RUNDC3B: variants seen among roughly 807,000 people sequenced by gnomAD.
The protein encoded by RUNDC3B is RUN domain-containing protein 3B.
In RUNDC3B, 33 loss-of-function variants were observed where a neutral mutation model predicts 58.4. That is an observed-to-expected ratio of 0.56 (90% CI 0.43 to 0.75). RUNDC3B has a LOEUF of 0.75. RUNDC3B is among the 30% of genes least tolerant of loss of function. RUNDC3B has a pLI of 0.00. For synonymous variants in RUNDC3B, 193 were observed against 195.2 expected (o/e 0.99, Z 0.10); for missense variants, 501 against 535.7 (o/e 0.94, Z 0.64).
intron 10 of RUNDC3B, among the ~76,000 whole-genome samples, chr7:87,822,727 T>C (rs1460858531): frequency 6.6e-6 from 1 of 152,210 alleles, no homozygotes; most frequent in East Asian, 1.9e-4. Flanking sequence ...TGAGAGTTCA[T>C]GTCCTTTATA....
intron 10 of RUNDC3B, among the ~76,000 whole-genome samples, chr7:87,824,309 A>C (rs943723869): frequency 1.3e-5 from 2 of 152,184 alleles, no homozygotes; most frequent in Admixed American, 6.5e-5. Flanking sequence ...GGTTGTTCTC[A>C]TGATAGTGAA....
intron 8 of RUNDC3B, among the ~76,000 whole-genome samples, chr7:87,798,868 C>T (rs1835964834): frequency 6.6e-6 from 1 of 152,138 alleles, no homozygotes; most frequent in Non-Finnish European, 1.5e-5. Flanking sequence ...AATTTTTGGA[C>T]ATCTGTCTCC....
intron 8 of RUNDC3B, among the ~76,000 whole-genome samples, chr7:87,801,548 A>G (rs369648119): frequency 1.3e-5 from 2 of 152,196 alleles, no homozygotes; most frequent in East Asian, 3.9e-4. Context: ...ACTTGAGACC[A>G]GAAGTTTGAG....
intron 6 of RUNDC3B, among the ~76,000 whole-genome samples, chr7:87,766,002 A>G (rs1039696490): frequency 1.3e-5 from 2 of 152,156 alleles, no homozygotes; most frequent in Non-Finnish European, 2.9e-5. Context: ...TATTTAGAAC[A>G]GTTAAATCTT....
At chr7:87,788,522 A>G (rs1401905879) in intron 8 of RUNDC3B, among the ~76,000 whole-genome samples, 1 of 152,098 alleles carries the variant, frequency 6.6e-6, no homozygotes, top group Admixed American at 6.6e-5. Flanking sequence ...GGTTTTATGG[A>G]AATCTGTGTA....
At chr7:87,708,384 T>A (rs957393872) in intron 3 of RUNDC3B, among the ~76,000 whole-genome samples, 1 of 152,060 alleles carries the variant, frequency 6.6e-6, no homozygotes, top group Non-Finnish European at 1.5e-5. Flanking sequence ...TTATATAAAT[T>A]TGAAAATTTA....
At chr7:87,715,382 CAATAT>C (rs1386294992) in intron 4 of RUNDC3B, among the ~76,000 whole-genome samples, 8,136 of 100,014 alleles carry the variant, frequency 0.081, 413 homozygotes, top group African/African-American at 0.11. Flanking sequence ...ATTATATAAT[CAATAT>C]AATATAATAT....
chr7:87,711,285 C>T (rs1583961796), intron 4 of RUNDC3B, among the ~76,000 whole-genome samples: 1 of 147,944 alleles, frequency 6.8e-6, no homozygotes. Context: ...GAGATTGAGC[C>T]ATTGCACCGC....
chr7:87,815,327 A>G (rs1020422105), intron 9 of RUNDC3B, among the ~76,000 whole-genome samples: 2 of 152,130 alleles, frequency 1.3e-5, no homozygotes, highest in Non-Finnish European at 2.9e-5. Context: ...TAGGAAATAG[A>G]TATTGAGGCT....
chr7:87,633,059 A>G (rs1437211931), intron 1 of RUNDC3B, among the ~76,000 whole-genome samples: 1 of 152,218 alleles, frequency 6.6e-6, no homozygotes, highest in Non-Finnish European at 1.5e-5. Context: ...TCTATAGGTC[A>G]TGATATTATT....
chr7:87,670,391 C>T (rs1825701668), intron 2 of RUNDC3B, among the ~76,000 whole-genome samples: 1 of 152,178 alleles, frequency 6.6e-6, no homozygotes, highest in Non-Finnish European at 1.5e-5. Flanking sequence ...TTGTGATTCT[C>T]ATTTTCCTTG....
intron 8 of RUNDC3B, among the ~76,000 whole-genome samples, chr7:87,790,657 T>G (rs1308205938): frequency 6.6e-6 from 1 of 150,932 alleles, no homozygotes; most frequent in African/African-American, 2.4e-5. Context: ...TTAAAAAGAG[T>G]CAAACAGAAA....
intron 7 of RUNDC3B, among the ~76,000 whole-genome samples, chr7:87,773,892 G>C (rs1834463566): frequency 6.6e-6 from 1 of 152,024 alleles, no homozygotes; most frequent in Non-Finnish European, 1.5e-5. Flanking sequence ...TGGCTAGGCT[G>C]GTCTCTAACT....
chr7:87,720,241 CTTA>C (rs1437994317), intron 4 of RUNDC3B, among the ~76,000 whole-genome samples: 2 of 151,960 alleles, frequency 1.3e-5, no homozygotes, highest in African/African-American at 4.8e-5. Flanking sequence ...TTTAACTTTT[CTTA>C]TTATAAGGGA....
At chr7:87,776,637 A>AT in intron 7 of RUNDC3B, among the ~76,000 whole-genome samples, 1 of 152,074 alleles carries the variant, frequency 6.6e-6, no homozygotes, top group Admixed American at 6.6e-5. Flanking sequence ...AGTATTCTTT[A>AT]ATTACTAATG....
chr7:87,741,476 A>G lies in RUNDC3B; in HGVS notation c.549-23A>G, dbSNP rs763532248. On this transcript the variant is annotated intron_variant, in intron 5 of 10. Coordinates refer to ENST00000394654, the MANE Select transcript of RUNDC3B (RefSeq NM_001134405.2). Reference sequence around the variant, plus strand: ...TTAAAATTTTATATATTAATAGGAAATATTTATTTTCTATTGTCTTAGTTT... The same window carrying G: ...TTAAAATTTTATATATTAATAGGAAGTATTTATTTTCTATTGTCTTAGTTT... 8.5e-5 allele frequency: 109 copies of G among 1,278,364 alleles called. No individual in the cohort carries two copies. The Admixed American group carries it at 1.8e-3, about 21-fold the overall frequency. The allele number at this position is 1,278,364 out of a possible 1,614,324, so 79.2% of individuals were successfully genotyped here.
chr7:87,809,808 CAATCACAG>C (rs1309637793), intron 9 of RUNDC3B, among the ~76,000 whole-genome samples: 1 of 152,114 alleles, frequency 6.6e-6, no homozygotes, highest in Non-Finnish European at 1.5e-5. Context: ...CGTTTGAAAC[CAATCACAG>C]CTTTTCATCA....
chr7:87,645,021 GA>G (rs1387954461), intron 1 of RUNDC3B, among the ~76,000 whole-genome samples: 1 of 151,064 alleles, frequency 6.6e-6, no homozygotes, highest in Non-Finnish European at 1.5e-5. Context: ...ATGACAAAGG[GA>G]AAAAGGTAGT....
chr7:87,660,550 T>C (rs1283972282), intron 2 of RUNDC3B, among the ~76,000 whole-genome samples: 1 of 152,044 alleles, frequency 6.6e-6, no homozygotes, highest in Non-Finnish European at 1.5e-5. Context: ...TCTTTTTTTC[T>C]TAACCAGTAT....
Sources: allele counts gnomAD v4.1 joint callset (sites outside exome capture counted in the v4.1 genomes callset), GRCh38; gene constraint gnomAD v4.1.1; transcripts MANE v1.5; gene names NCBI Gene and HGNC (gene_info 2026-07-23, HGNC 2026-07-21).